The following SORCS1 variants were observed in gnomAD, a reference collection of about 807,000 sequenced individuals.
SORCS1 encodes sortilin related VPS10 domain containing receptor 1, also known as VPS10 domain-containing receptor SorCS1.
SORCS1 carries 60 observed loss-of-function variants against 146.1 expected under a neutral mutation model. The ratio of observed to expected loss-of-function variants is 0.41; its 90% confidence interval spans 0.33 to 0.51. The LOEUF is 0.51. Among genes scored for constraint, SORCS1 ranks in the 20% least tolerant of loss-of-function variants. SORCS1 has a pLI of 0.21. For missense variants in SORCS1, 1,352 were observed against 1,487.6 expected (o/e 0.91, Z 1.50); for synonymous variants, 637 against 584.0 (o/e 1.09, Z -1.31).
chr10:107,074,844 T>C (rs1005758410), intron 1 of SORCS1, among the ~76,000 whole-genome samples: 2 of 152,192 alleles, frequency 1.3e-5, no homozygotes, highest in South Asian at 4.1e-4. Context: ...TCTGTATAAC[T>C]TCTTTGGTGG....
chr10:106,977,296 T>C (rs780493145), intron 1 of SORCS1, among the ~76,000 whole-genome samples: 4 of 152,248 alleles, frequency 2.6e-5, no homozygotes, highest in East Asian at 1.9e-4. Context: ...TCCATGATGA[T>C]GAGCTTTTTT....
intron 1 of SORCS1, among the ~76,000 whole-genome samples, chr10:106,962,760 T>C (rs897707138): frequency 3.1e-4 from 47 of 152,172 alleles, no homozygotes; most frequent in African/African-American, 1.1e-3. Context: ...GCCATACTAA[T>C]GGTCATAATT....
the SORCS1 span, among the ~76,000 whole-genome samples, chr10:107,181,040 A>G: frequency 6.6e-6 from 1 of 152,218 alleles, no homozygotes; most frequent in Non-Finnish European, 1.5e-5. Flanking sequence ...ATTATAAAAT[A>G]GTAAAACTGA....
At chr10:106,952,702 G>A (rs905182418) in intron 2 of SORCS1, among the ~76,000 whole-genome samples, 9 of 151,424 alleles carry the variant, frequency 5.9e-5, no homozygotes, top group Non-Finnish European at 1.0e-4. Context: ...ATGACCAGGC[G>A]TGGTGGCTCA....
intron 2 of SORCS1, among the ~76,000 whole-genome samples, chr10:106,910,662 C>A (rs929681934): frequency 6.6e-6 from 1 of 152,168 alleles, no homozygotes; most frequent in Admixed American, 6.5e-5. Flanking sequence ...CTGAACATAT[C>A]AAATTATTAT....
chr10:106,719,418 CT>C (rs11299932), intron 6 of SORCS1, among the ~76,000 whole-genome samples: 109,728 of 135,992 alleles, frequency 0.81, 44,989 homozygotes, highest in Non-Finnish European at 0.93. Context: ...TTCTTTCTTT[CT>C]TTTTTTTTTT....
chr10:106,661,734 G>C (rs1242970884), intron 17 of SORCS1, among the ~76,000 whole-genome samples: 1 of 152,226 alleles, frequency 6.6e-6, no homozygotes, highest in African/African-American at 2.4e-5. Flanking sequence ...AAACATAACA[G>C]TAAATGGCAG....
chr10:106,861,240 TA>T (rs1950003465), intron 2 of SORCS1, among the ~76,000 whole-genome samples: 1 of 151,070 alleles, frequency 6.6e-6, no homozygotes, highest in South Asian at 2.1e-4. Flanking sequence ...TCTACTAAAA[TA>T]CAAAAAAAAT....
At chr10:106,648,355 G>A (rs1019573282) in intron 18 of SORCS1, among the ~76,000 whole-genome samples, 3 of 152,126 alleles carry the variant, frequency 2.0e-5, no homozygotes, top group African/African-American at 7.2e-5. Flanking sequence ...ATACGTTGGA[G>A]TCTAATATAT....
intron 5 of SORCS1, among the ~76,000 whole-genome samples, chr10:106,746,510 G>C (rs1452781156): frequency 1.3e-5 from 2 of 152,068 alleles, no homozygotes; most frequent in Admixed American, 6.6e-5. Context: ...CATTAAAGAA[G>C]GTAAACAACT....
At chr10:106,731,615 GTGTT>G (rs967401642) in intron 5 of SORCS1, among the ~76,000 whole-genome samples, 1 of 152,130 alleles carries the variant, frequency 6.6e-6, no homozygotes, top group Admixed American at 6.6e-5. Flanking sequence ...CGATCAGCAA[GTGTT>G]TGTTATAAAT....
chr10:107,084,095 T>G (rs1376118130), intron 1 of SORCS1, among the ~76,000 whole-genome samples: 1 of 137,586 alleles, frequency 7.3e-6, no homozygotes, highest in Admixed American at 7.3e-5. Context: ...GTTTTTTGTT[T>G]TTTTTTTTTT....
At position 106,816,354 on chromosome 10, in the gene SORCS1, C is replaced by T. The variant is rs568796465; in HGVS notation, c.726+13220G>A. 7.9e-5 allele frequency among the ~76,000 whole-genome samples: 12 copies of T among 152,284 alleles called. No individual in the cohort carries two copies. The South Asian group carries it at 2.3e-3, about 29-fold the overall frequency. On this transcript the variant is annotated intron_variant, in intron 3 of 25. Transcript: ENST00000263054. ...AAATTTGATTATAGGAAGAAACTTACGTTTACCTGAGAGGCCACCAGCCTA... is the reference window on the plus strand; with the variant it reads ...AAATTTGATTATAGGAAGAAACTTATGTTTACCTGAGAGGCCACCAGCCTA...
At chr10:107,068,903 C>A (rs1962168516) in intron 1 of SORCS1, among the ~76,000 whole-genome samples, 1 of 150,160 alleles carries the variant, frequency 6.7e-6, no homozygotes, top group Non-Finnish European at 1.5e-5. Flanking sequence ...TCACCATGAT[C>A]TTTTTTTTCT....
At chr10:106,794,693 C>T (rs1221686284) in intron 3 of SORCS1, among the ~76,000 whole-genome samples, 3 of 151,850 alleles carry the variant, frequency 2.0e-5, no homozygotes, top group Non-Finnish European at 4.4e-5. Flanking sequence ...TTAGTAGAGA[C>T]GGGTTTTCAC....
At chr10:107,130,577 C>A (rs1966855999) in intron 1 of SORCS1, among the ~76,000 whole-genome samples, 1 of 152,152 alleles carries the variant, frequency 6.6e-6, no homozygotes, top group African/African-American at 2.4e-5. Context: ...ACAAGAGCTT[C>A]TGTGCAGCAG....
At position 106,850,541 on chromosome 10, in the gene SORCS1, G is replaced by A. The variant is rs555648699; in HGVS notation, c.627-20868C>T. Among the ~76,000 whole-genome samples the A allele has an allele frequency of 4.3e-4, 66 of 152,212 alleles. 1 individual carries two copies. The East Asian group carries it at 0.01, about 24-fold the overall frequency. On this transcript the variant is annotated intron_variant, in intron 2 of 25. Coordinates refer to ENST00000263054, the MANE Select transcript of SORCS1 (RefSeq NM_052918.5). ...TCAGATGGAAATGCAGAAATCACCC[G>A]TCTTCTGCGTTGCTCACGCTGGGAG... is the stretch of plus-strand genomic sequence containing the variant.
At chr10:107,159,519 G>A (rs1969546501) in intron 1 of SORCS1, among the ~76,000 whole-genome samples, 1 of 152,074 alleles carries the variant, frequency 6.6e-6, no homozygotes, top group Admixed American at 6.5e-5. Context: ...CATTTATTGA[G>A]CATTTACTAG....
At chr10:106,678,427 A>G (rs906517130) in intron 12 of SORCS1, among the ~76,000 whole-genome samples, 8 of 152,208 alleles carry the variant, frequency 5.3e-5, no homozygotes, top group Non-Finnish European at 8.8e-5. Context: ...AAGCTAAGAA[A>G]TGGCATTTGG....
Sources: gnomAD v4.1 joint callset for allele counts (sites outside exome capture counted in the v4.1 genomes callset) on GRCh38, gnomAD v4.1.1 for gene constraint, MANE v1.5 for transcripts, NCBI Gene and HGNC (gene_info 2026-07-23, HGNC 2026-07-21) for gene names.